PARD3B: variants seen among roughly 807,000 people sequenced by gnomAD.
PARD3B encodes the protein par-3 family cell polarity regulator beta.
Under a neutral mutation model 130.2 loss-of-function variants are expected in PARD3B, and 103 were observed. The ratio of observed to expected loss-of-function variants is 0.79; its 90% confidence interval spans 0.67 to 0.93. The LOEUF (loss-of-function observed/expected upper bound fraction) is 0.93. Among genes scored for constraint, PARD3B ranks in the 40% least tolerant of loss-of-function variants. The pLI is 0.00. For synonymous variants in PARD3B, 583 were observed against 553.2 expected, an observed-to-expected ratio of 1.05 and a Z score of -0.76; for missense variants, 1,609 against 1,499.2, an observed-to-expected ratio of 1.07 and a Z score of -1.21.
At chr2:205,454,727 G>T (rs2048213931) in intron 20 of PARD3B, among the ~76,000 whole-genome samples, 1 of 152,104 alleles carries the variant, frequency 6.6e-6, no homozygotes, top group Non-Finnish European at 1.5e-5. Flanking sequence ...CTCAAGCCAT[G>T]CTCATTCTTA....
intron 18 of PARD3B, among the ~76,000 whole-genome samples, chr2:205,318,070 A>C (rs2042619817): frequency 6.6e-6 from 1 of 152,188 alleles, no homozygotes; most frequent in Non-Finnish European, 1.5e-5. Context: ...TGCAACTTTG[A>C]TTGCAGACAA....
intron 19 of PARD3B, among the ~76,000 whole-genome samples, chr2:205,436,215 C>T (rs917908587): frequency 1.3e-5 from 2 of 152,188 alleles, no homozygotes; most frequent in Non-Finnish European, 2.9e-5. Context: ...CCCAAAACCT[C>T]CTCTTAATAC....
chr2:205,428,079 G>A (rs2047204906), intron 19 of PARD3B, among the ~76,000 whole-genome samples: 1 of 152,066 alleles, frequency 6.6e-6, no homozygotes, highest in South Asian at 2.1e-4. Flanking sequence ...TGGGATTAGC[G>A]TCCATATAAA....
At chr2:204,780,541 T>C (rs2041798756) in intron 2 of PARD3B, among the ~76,000 whole-genome samples, 3 of 152,156 alleles carry the variant, frequency 2.0e-5, no homozygotes. Context: ...TAAAAGGCTT[T>C]CCCCCACACT....
chr2:205,299,787 T>A (rs1023293458), intron 16 of PARD3B, among the ~76,000 whole-genome samples: 2 of 152,166 alleles, frequency 1.3e-5, no homozygotes, highest in African/African-American at 4.8e-5. Context: ...TTTATAATTT[T>A]ATATTGCATT....
intron 2 of PARD3B, among the ~76,000 whole-genome samples, chr2:204,770,705 A>G (rs1157789877): frequency 6.6e-6 from 1 of 151,998 alleles, no homozygotes; most frequent in African/African-American, 2.4e-5. Flanking sequence ...TTGTAGGAAA[A>G]GATCCACTAC....
At chr2:205,193,875 G>A (rs1415054778) in intron 15 of PARD3B, among the ~76,000 whole-genome samples, 1 of 152,218 alleles carries the variant, frequency 6.6e-6, no homozygotes, top group East Asian at 1.9e-4. Context: ...GTGCCACACT[G>A]AGGGTGTCAA....
In PARD3B at chr2:205,616,686, C is replaced by T. The variant is rs1424517191; in HGVS notation, c.*873C>T. The T allele has an allele frequency of 2.0e-5, 3 of 152,148 alleles. No individual in the cohort carries two copies. Among genetic ancestry groups the T allele is most frequent in the Admixed American group, 6.5e-5 (1 of 15,272 alleles). 9.4% of individuals were successfully genotyped at this position (152,148 alleles called of 1,614,324 possible). A position where few individuals can be genotyped will look rare whatever the true frequency, so the allele number is the denominator to read the frequency against. On this transcript the variant is annotated 3_prime_UTR_variant, in exon 23 of 23. Coordinates refer to ENST00000406610, the MANE Select transcript of PARD3B (RefSeq NM_001302769.2). The stretch of plus-strand genomic sequence containing the variant: ...GCCCCAAATCTCCTGCCTATAATTA[C>T]TTTAACTGGGGTCTCTAAGGTTCCC...
At chr2:205,052,467 G>A (rs1699287595) in intron 4 of PARD3B, among the ~76,000 whole-genome samples, 1 of 133,662 alleles carries the variant, frequency 7.5e-6, no homozygotes. Flanking sequence ...AAAAAAATAA[G>A]CTGGCAGATT....
intron 1 of PARD3B, among the ~76,000 whole-genome samples, chr2:204,641,573 T>C (rs2035077668): frequency 6.6e-6 from 1 of 152,184 alleles, no homozygotes; most frequent in Non-Finnish European, 1.5e-5. Context: ...TAGTCCTTTC[T>C]TGAGGGGAAG....
chr2:205,016,109 G>T (rs563923984), intron 3 of PARD3B, among the ~76,000 whole-genome samples: 2 of 151,944 alleles, frequency 1.3e-5, no homozygotes, highest in Non-Finnish European at 2.9e-5. Context: ...CTCTTCTTTC[G>T]TCTCTCTGCA....
chr2:204,719,220 G>A (rs767899667), intron 2 of PARD3B, among the ~76,000 whole-genome samples: 3 of 152,172 alleles, frequency 2.0e-5, no homozygotes, highest in Non-Finnish European at 2.9e-5. Context: ...TTAATGGAAA[G>A]TATTTTGTTA....
Position 205,288,567 on chromosome 2 carries a change from G to T in PARD3B, c.2186-11963G>T, listed in dbSNP as rs2041483004. On this transcript the variant is annotated intron_variant, in intron 16 of 22. Coordinates refer to ENST00000406610, the MANE Select transcript of PARD3B (RefSeq NM_001302769.2). This position sits in a 1 kb window ranked among gnomAD's most constrained non-coding sequence, Gnocchi z 4.0. ...GGCTTTCTATTGTCCCCTAATTTGG[G>T]CCTTGCCTTCTTAGCCAGATTTCAA... Among the ~76,000 whole-genome samples the T allele has an allele frequency of 6.6e-6, 1 of 151,984 alleles. No individual in the cohort carries two copies. The highest frequency in any genetic ancestry group is 1.5e-5 in the Non-Finnish European group (1 of 68,010).
At chr2:205,500,848 G>T (rs2050132841) in intron 21 of PARD3B, among the ~76,000 whole-genome samples, 1 of 152,156 alleles carries the variant, frequency 6.6e-6, no homozygotes. Context: ...CAGTGTCCTT[G>T]CTGGGGTTCA....
At chr2:205,159,442 A>G (rs2034378159) in intron 11 of PARD3B, among the ~76,000 whole-genome samples, 1 of 152,190 alleles carries the variant, frequency 6.6e-6, no homozygotes, top group African/African-American at 2.4e-5. Flanking sequence ...CCAGAAAAAG[A>G]AGGAAGATCA....
At chr2:205,551,921 G>A (rs2052663283) in intron 21 of PARD3B, among the ~76,000 whole-genome samples, 1 of 152,152 alleles carries the variant, frequency 6.6e-6, no homozygotes, top group Non-Finnish European at 1.5e-5. Flanking sequence ...CCATGCCCAT[G>A]TGTGAGGGAT....
chr2:205,539,412 A>T (rs1246369869), intron 21 of PARD3B, among the ~76,000 whole-genome samples: 1 of 152,214 alleles, frequency 6.6e-6, no homozygotes, highest in East Asian at 1.9e-4. Context: ...TTTTAAAAAC[A>T]GGACAGGTAG....
intron 4 of PARD3B, among the ~76,000 whole-genome samples, chr2:205,066,954 G>A (rs959967031): frequency 1.3e-5 from 2 of 152,008 alleles, no homozygotes; most frequent in Admixed American, 6.6e-5. Context: ...CAGTGCGTGA[G>A]GGGAAGGGAG....
At chr2:204,766,868 A>G (rs954100864) in intron 2 of PARD3B, among the ~76,000 whole-genome samples, 1 of 150,490 alleles carries the variant, frequency 6.6e-6, no homozygotes, top group African/African-American at 2.4e-5. Flanking sequence ...GAGGTAAAAT[A>G]TTATCCAGAT....
Sources: allele counts gnomAD v4.1 joint callset (sites outside exome capture counted in the v4.1 genomes callset), GRCh38; gene constraint gnomAD v4.1.1; non-coding constraint Gnocchi (gnomAD v3.1); transcripts MANE v1.5; gene names NCBI Gene and HGNC (gene_info 2026-07-23, HGNC 2026-07-21).